MED12L: variants seen among roughly 807,000 people sequenced by gnomAD.
MED12L encodes mediator of RNA polymerase II transcription subunit 12-like protein.
In MED12L, 60 loss-of-function variants were observed where a neutral mutation model predicts 281.3. The observed-to-expected ratio is 0.21, with a 90% CI of 0.17 to 0.26. The LOEUF is 0.26. MED12L is among the 10% of genes least tolerant of loss of function. The probability of loss-of-function intolerance (pLI) is 1.00; values close to 1 mark genes in which losing one functional copy is unlikely to be tolerated. For missense variants in MED12L, 2,146 were observed against 2,680.9 expected, an observed-to-expected ratio of 0.80 and a Z score of 4.41; for synonymous variants, 974 against 987.2, an observed-to-expected ratio of 0.99 and a Z score of 0.25.
At chr3:151,360,452 C>T in intron 20 of MED12L, 22 bp from the exon 21 acceptor site, 1 of 1,606,054 alleles carries the variant, frequency 6.2e-7, no homozygotes, top group South Asian at 1.1e-5. Context: ...TGTCTTATTT[C>T]TTCGTATATT....
chr3:151,247,472 T>A (rs1316567005), intron 16 of MED12L, among the ~76,000 whole-genome samples: 1 of 151,494 alleles, frequency 6.6e-6, no homozygotes, highest in Non-Finnish European at 1.5e-5. Flanking sequence ...GGGACATGGA[T>A]GAAATTGGAA....
chr3:151,382,737 C>G lies in MED12L; in HGVS notation c.4672C>G (p.Leu1558Val). 1 of 1,607,466 alleles carries G rather than the reference C, an allele frequency of 6.2e-7. No individual in the cohort carries two copies. The highest frequency in any genetic ancestry group is 1.1e-5 in the South Asian group (1 of 90,042). Residue 1558 changes from leucine (L) to valine (V), a missense_variant, in exon 33 of 45, where the codon CTA becomes GTA. Leu to Val is a conservative substitution (Grantham distance 32, BLOSUM62 1). This residue lies in a region of MED12L where 212 missense variants were observed against 340.8 expected (regional missense o/e 0.62). Transcript: ENST00000687756. ...GATGCACGAAGCATTGCAACTCCGCCTAAATTTGGTAAGTGACATTTCTAG... is the reference window on the plus strand; with the variant it reads ...GATGCACGAAGCATTGCAACTCCGCGTAAATTTGGTAAGTGACATTTCTAG... ...QMMHEALQLRLNLVGGMFDTV... is the reference protein window; with the variant it reads ...QMMHEALQLRVNLVGGMFDTV...
intron 2 of MED12L, among the ~76,000 whole-genome samples, chr3:151,095,226 C>G (rs1339318785): frequency 6.6e-6 from 1 of 152,224 alleles, no homozygotes; most frequent in Non-Finnish European, 1.5e-5. Flanking sequence ...TCAGGAATTT[C>G]ATGAAATGGT....
chr3:151,163,259 A>T (rs1720233443), intron 8 of MED12L, among the ~76,000 whole-genome samples: 1 of 152,150 alleles, frequency 6.6e-6, no homozygotes, highest in African/African-American at 2.4e-5. Context: ...GGCGAGGGAG[A>T]TCTACAGGCT....
intron 16 of MED12L, among the ~76,000 whole-genome samples, chr3:151,293,585 A>ACACACACG: frequency 1.2e-5 from 1 of 80,466 alleles, no homozygotes; most frequent in Non-Finnish European, 3.1e-5. Context: ...TTACACACAC[A>ACACACACG]CACACACACA....
intron 17 of MED12L, among the ~76,000 whole-genome samples, chr3:151,353,799 G>A (rs1281621982): frequency 6.6e-6 from 1 of 152,112 alleles, no homozygotes; most frequent in Non-Finnish European, 1.5e-5. Flanking sequence ...TAAAGAAGAC[G>A]ACAGTGTGAG....
intron 16 of MED12L, among the ~76,000 whole-genome samples, chr3:151,259,271 T>C (rs970906810): frequency 2.0e-5 from 3 of 152,220 alleles, no homozygotes; most frequent in Non-Finnish European, 4.4e-5. Flanking sequence ...CCTTCAGAAA[T>C]AGGCACTCCT....
chr3:151,194,513 C>A (rs1724394391), intron 16 of MED12L, among the ~76,000 whole-genome samples: 1 of 152,256 alleles, frequency 6.6e-6, no homozygotes, highest in Admixed American at 6.5e-5. Flanking sequence ...CATTTCTGGG[C>A]CCCTTCCACT....
chr3:151,163,802 C>A, intron 8 of MED12L, 91 bp from the exon 9 acceptor site: 1 of 1,287,300 alleles, frequency 7.8e-7, no homozygotes, highest in Non-Finnish European at 1.1e-6. Context: ...GACAATAATA[C>A]AGTGATGACA....
At chr3:151,196,046 G>A (rs903212250) in intron 16 of MED12L, among the ~76,000 whole-genome samples, 2 of 152,240 alleles carry the variant, frequency 1.3e-5, no homozygotes, top group Non-Finnish European at 2.9e-5. Context: ...GGGTGTCAGA[G>A]CTGGACACTA....
intron 2 of MED12L, among the ~76,000 whole-genome samples, chr3:151,096,615 C>G (rs1056516116): frequency 9.2e-5 from 14 of 152,238 alleles, no homozygotes; most frequent in South Asian, 6.2e-4. Context: ...GAAGCCTGTT[C>G]TGTTTTGCTG....
At chr3:151,098,097 G>T (rs535024478) in intron 2 of MED12L, among the ~76,000 whole-genome samples, 1 of 152,342 alleles carries the variant, frequency 6.6e-6, no homozygotes, top group African/African-American at 2.4e-5. Context: ...GGGGCATCCA[G>T]GGGAGAGCTG....
intron 16 of MED12L, among the ~76,000 whole-genome samples, chr3:151,245,041 C>T (rs1735098027): frequency 6.6e-6 from 1 of 152,134 alleles, no homozygotes; most frequent in South Asian, 2.1e-4. Context: ...AATTCCTTGA[C>T]ACATACACTC....
At chr3:151,146,107 A>C (rs1365738796) in intron 5 of MED12L, among the ~76,000 whole-genome samples, 1 of 152,222 alleles carries the variant, frequency 6.6e-6, no homozygotes, top group Non-Finnish European at 1.5e-5. Context: ...GCTGCTGATT[A>C]AAAAAGCAGA....
intron 12 of MED12L, among the ~76,000 whole-genome samples, chr3:151,185,901 A>G (rs1307769164): frequency 2.6e-5 from 4 of 152,218 alleles, no homozygotes; most frequent in Non-Finnish European, 4.4e-5. Context: ...TTTAGAACAA[A>G]GAAATTTCTT....
intron 16 of MED12L, among the ~76,000 whole-genome samples, chr3:151,222,037 A>G (rs1202436354): frequency 1.3e-5 from 2 of 152,246 alleles, no homozygotes; most frequent in East Asian, 1.9e-4. Context: ...GGTGTGAGAC[A>G]TGGAGTCAAA....
chr3:151,403,282 G>T (rs1381955338), intron 39 of MED12L, among the ~76,000 whole-genome samples: 1 of 151,948 alleles, frequency 6.6e-6, no homozygotes, highest in Non-Finnish European at 1.5e-5. Flanking sequence ...GACATTCATG[G>T]CCTGGGCTTG....
chr3:151,358,686 T>G (rs1754238397), intron 20 of MED12L, among the ~76,000 whole-genome samples: 2 of 152,162 alleles, frequency 1.3e-5, no homozygotes, highest in Admixed American at 6.5e-5. Context: ...ACATTAACTT[T>G]GTTGTATTTT....
chr3:151,259,778 A>G (rs1738515138), intron 16 of MED12L, among the ~76,000 whole-genome samples: 1 of 152,230 alleles, frequency 6.6e-6, no homozygotes, highest in African/African-American at 2.4e-5. Context: ...ATTTCCAAAC[A>G]AAAGTTTAGA....
Sources: allele counts gnomAD v4.1 joint callset (sites outside exome capture counted in the v4.1 genomes callset), GRCh38; gene constraint gnomAD v4.1.1; regional missense constraint gnomAD v4.1.1; transcripts MANE v1.5; gene names NCBI Gene and HGNC (gene_info 2026-07-23, HGNC 2026-07-21).